The following HS3ST5 variants were observed in gnomAD, a reference collection of about 807,000 sequenced individuals.
HS3ST5 encodes heparan sulfate-glucosamine 3-sulfotransferase 5, also known as heparan sulfate glucosamine 3-O-sulfotransferase 5.
Under a neutral mutation model 25.4 loss-of-function variants are expected in HS3ST5, and 10 were observed. That is an observed-to-expected ratio of 0.39 (90% CI 0.24 to 0.67). The LOEUF (loss-of-function observed/expected upper bound fraction) is 0.67, where lower values mean the gene tolerates loss of function less well. HS3ST5 is among the 30% of genes least tolerant of loss of function. The probability of loss-of-function intolerance (pLI) is 0.44; values close to 1 mark genes in which losing one functional copy is unlikely to be tolerated. For synonymous variants in HS3ST5, 170 were observed against 162.4 expected (o/e 1.05, Z -0.36); for missense variants, 324 against 420.7 (o/e 0.77, Z 2.01).
At chr6:114,100,838 A>G (rs1459737660) in intron 3 of HS3ST5, among the ~76,000 whole-genome samples, 1 of 152,234 alleles carries the variant, frequency 6.6e-6, no homozygotes, top group Non-Finnish European at 1.5e-5. Flanking sequence ...AGGCATCATT[A>G]GAAGGCTTAT....
At chr6:114,282,876 A>G (rs762732424) in intron 1 of HS3ST5, among the ~76,000 whole-genome samples, 6 of 152,006 alleles carry the variant, frequency 3.9e-5, no homozygotes, top group Non-Finnish European at 7.4e-5. Flanking sequence ...TCTCTCAACT[A>G]AAGTTTCTCA....
At chr6:114,290,653 G>T (rs1221929525) in intron 1 of HS3ST5, among the ~76,000 whole-genome samples, 1 of 152,076 alleles carries the variant, frequency 6.6e-6, no homozygotes, top group Non-Finnish European at 1.5e-5. Context: ...ATGCCAGATG[G>T]TATATCAGAG....
chr6:114,290,225 A>G (rs915166106), intron 1 of HS3ST5, among the ~76,000 whole-genome samples: 4 of 152,196 alleles, frequency 2.6e-5, no homozygotes, highest in African/African-American at 4.8e-5. Context: ...GTCTTTTCGA[A>G]GACACACTAA....
intron 3 of HS3ST5, among the ~76,000 whole-genome samples, chr6:114,141,235 C>T (rs1176389986): frequency 6.6e-6 from 1 of 152,196 alleles, no homozygotes; most frequent in Non-Finnish European, 1.5e-5. Flanking sequence ...CTCTCCTTCA[C>T]TCAACGATTG....
At chr6:114,136,364 G>A (rs574522655) in intron 3 of HS3ST5, among the ~76,000 whole-genome samples, 4 of 152,158 alleles carry the variant, frequency 2.6e-5, no homozygotes, top group Non-Finnish European at 5.9e-5. Flanking sequence ...CACTCTGTTG[G>A]CTGCTGCCAT....
chr6:114,132,530 G>A (rs886711795), intron 3 of HS3ST5, among the ~76,000 whole-genome samples: 1 of 152,136 alleles, frequency 6.6e-6, no homozygotes, highest in Non-Finnish European at 1.5e-5. Context: ...TGTGCTCCTG[G>A]TCACAAATAG....
intron 3 of HS3ST5, among the ~76,000 whole-genome samples, chr6:114,098,011 C>G (rs1464862379): frequency 3.9e-5 from 6 of 151,934 alleles, no homozygotes; most frequent in African/African-American, 1.4e-4. Flanking sequence ...ACATTTACTT[C>G]TCTACTTCTT....
intron 1 of HS3ST5, among the ~76,000 whole-genome samples, chr6:114,332,513 A>G (rs1776443479): frequency 6.6e-6 from 1 of 152,166 alleles, no homozygotes; most frequent in Non-Finnish European, 1.5e-5. Context: ...AGAAAGGCAT[A>G]AAAAAGTCAG....
intron 3 of HS3ST5, among the ~76,000 whole-genome samples, chr6:114,106,824 C>G (rs925057705): frequency 6.6e-6 from 1 of 152,016 alleles, no homozygotes; most frequent in African/African-American, 2.4e-5. Flanking sequence ...GAAAAACTAC[C>G]TGAATATTAG....
intron 1 of HS3ST5, among the ~76,000 whole-genome samples, chr6:114,238,025 A>T (rs939324218): frequency 6.6e-6 from 1 of 152,240 alleles, no homozygotes. Flanking sequence ...TTAAAAATTC[A>T]TCTACTTTAA....
intron 3 of HS3ST5, among the ~76,000 whole-genome samples, chr6:114,130,966 C>G (rs2114906903): frequency 6.6e-6 from 1 of 152,222 alleles, no homozygotes; most frequent in South Asian, 2.1e-4. Context: ...TGCTTAAATC[C>G]AGGAACTCAA....
intron 2 of HS3ST5, among the ~76,000 whole-genome samples, chr6:114,188,224 A>G (rs1780324554): frequency 6.6e-6 from 1 of 152,182 alleles, no homozygotes; most frequent in South Asian, 2.1e-4. Context: ...CACTTATCCC[A>G]TAAGGTACCA....
chr6:114,134,047 G>A (rs935246909), intron 3 of HS3ST5, among the ~76,000 whole-genome samples: 2 of 152,104 alleles, frequency 1.3e-5, no homozygotes, highest in African/African-American at 4.8e-5. Flanking sequence ...GAAAAAGGAG[G>A]AGGAGGAGGA....
At chr6:114,316,284 T>A (rs1775744053) in intron 1 of HS3ST5, among the ~76,000 whole-genome samples, 1 of 152,234 alleles carries the variant, frequency 6.6e-6, no homozygotes, top group South Asian at 2.1e-4. Flanking sequence ...TACCAAAATG[T>A]CATCTGCTTT....
At chr6:114,334,333 T>C (rs1776522810) in intron 1 of HS3ST5, among the ~76,000 whole-genome samples, 1 of 152,122 alleles carries the variant, frequency 6.6e-6, no homozygotes, top group Non-Finnish European at 1.5e-5. Context: ...TGCCCTCTCA[T>C]CCTATATTGT....
At chr6:114,218,620 ACTGGTATTTAAACAG>A (rs1394275067) in intron 2 of HS3ST5, among the ~76,000 whole-genome samples, 11 of 152,196 alleles carry the variant, frequency 7.2e-5, no homozygotes, top group Non-Finnish European at 1.3e-4. Flanking sequence ...CTGGGAGTGA[ACTGGTATTTAAACAG>A]CTGGTATTTA....
intron 1 of HS3ST5, among the ~76,000 whole-genome samples, chr6:114,256,141 C>T (rs538013189): frequency 3.3e-5 from 5 of 152,234 alleles, no homozygotes; most frequent in African/African-American, 1.2e-4. Flanking sequence ...GTAATCCCAG[C>T]ACTTTGGGAG....
At chr6:114,093,590 T>G (rs1189333400) in intron 3 of HS3ST5, among the ~76,000 whole-genome samples, 1 of 152,118 alleles carries the variant, frequency 6.6e-6, no homozygotes, top group East Asian at 1.9e-4. Context: ...TATGGGTTCA[T>G]CTCATCTTTC....
chr6:114,209,820 CAT>C (rs769697525), intron 2 of HS3ST5, among the ~76,000 whole-genome samples: 14 of 152,210 alleles, frequency 9.2e-5, no homozygotes, highest in Non-Finnish European at 2.1e-4. Context: ...CAAACACACA[CAT>C]ATGAATGCTT....
Sources: gnomAD v4.1 joint callset for allele counts (sites outside exome capture counted in the v4.1 genomes callset) on GRCh38, gnomAD v4.1.1 for gene constraint, MANE v1.5 for transcripts, NCBI Gene and HGNC (gene_info 2026-07-23, HGNC 2026-07-21) for gene names.